Variants in SEMA5B observed in about 807,000 individuals in gnomAD.
The protein encoded by SEMA5B is semaphorin-5B.
SEMA5B carries 66 observed loss-of-function variants against 135.0 expected under a neutral mutation model. The observed-to-expected ratio is 0.49, with a 90% CI of 0.40 to 0.60. SEMA5B has a LOEUF of 0.60. SEMA5B is among the 20% of genes least tolerant of loss of function. SEMA5B has a pLI of 0.00. For missense variants in SEMA5B, 1,501 were observed against 1,566.3 expected, an observed-to-expected ratio of 0.96 and a Z score of 0.70; for synonymous variants, 690 against 639.5, an observed-to-expected ratio of 1.08 and a Z score of -1.19.
intron 1 of SEMA5B, among the ~76,000 whole-genome samples, chr3:122,996,611 A>G (rs1434663148): frequency 6.6e-6 from 1 of 152,056 alleles, no homozygotes; most frequent in Non-Finnish European, 1.5e-5. Flanking sequence ...CTTCAGCCAT[A>G]TTTTTCTCTT....
chr3:123,025,381 G>C (rs1477000004), intron 1 of SEMA5B, among the ~76,000 whole-genome samples: 2 of 152,152 alleles, frequency 1.3e-5, no homozygotes, highest in Non-Finnish European at 2.9e-5. Flanking sequence ...CAAACACATA[G>C]ACAAGTGTCT....
chr3:122,974,800 C>T (rs1941257565), intron 1 of SEMA5B, among the ~76,000 whole-genome samples: 1 of 152,218 alleles, frequency 6.6e-6, no homozygotes, highest in Non-Finnish European at 1.5e-5. Context: ...TCTCTTTAAA[C>T]CTGGCCATTG....
intron 5 of SEMA5B, among the ~76,000 whole-genome samples, chr3:122,933,597 C>T (rs1013109772): frequency 4.6e-5 from 7 of 152,106 alleles, no homozygotes; most frequent in Non-Finnish European, 7.4e-5. Context: ...TCTGTTTTGG[C>T]AAATTTTCTT....
intron 2 of SEMA5B, 35 bp downstream of exon 2, chr3:122,961,105 G>T: frequency 6.4e-7 from 1 of 1,570,974 alleles, no homozygotes. Context: ...TCTGGTACCT[G>T]CTGCAGCCCC....
chr3:122,923,913 C>A (rs968351890), intron 9 of SEMA5B, among the ~76,000 whole-genome samples, 161 bp from the exon 10 acceptor site: 2 of 152,104 alleles, frequency 1.3e-5, no homozygotes, highest in Non-Finnish European at 2.9e-5. Flanking sequence ...ATGTGGTCCT[C>A]ACATTCTGTA....
At chr3:122,926,703 G>A (rs751571497) in intron 8 of SEMA5B, 26 bp from the exon 9 acceptor site, 38 of 1,603,990 alleles carry the variant, frequency 2.4e-5, no homozygotes, top group Admixed American at 3.3e-5. Context: ...AGGAACAAGG[G>A]GCAGGGCAGG....
chr3:122,949,960 T>C (rs55987998), intron 2 of SEMA5B, among the ~76,000 whole-genome samples: 32,759 of 152,160 alleles, frequency 0.22, 3,908 homozygotes, highest in Middle Eastern at 0.31. Flanking sequence ...GATAAACTCC[T>C]GTCCTTCTGC....
chr3:122,952,434 G>C (rs1940099540), intron 2 of SEMA5B, among the ~76,000 whole-genome samples: 1 of 152,188 alleles, frequency 6.6e-6, no homozygotes, highest in African/African-American at 2.4e-5. Flanking sequence ...CCTCCTCCTT[G>C]CTAGCTGTGT....
intron 1 of SEMA5B, among the ~76,000 whole-genome samples, chr3:123,017,022 G>C (rs1342870453): frequency 1.3e-5 from 2 of 151,520 alleles, no homozygotes; most frequent in Non-Finnish European, 1.5e-5. Context: ...CTCCTGAGTA[G>C]CTGGGACTAC....
In SEMA5B at chr3:122,990,435, T is replaced by TAGC. The variant is rs745521177; in HGVS notation, c.-38-29137_-38-29135dup. 2.2e-3 allele frequency among the ~76,000 whole-genome samples: 333 copies of TAGC among 151,862 alleles called. 1 individual carries two copies. The highest frequency in any genetic ancestry group is 6.8e-3 in the Middle Eastern group (2 of 294). ...CACATGAGAGCCCAAGGAGAGGGTGTAGCAGCAGCAGCAGCAGCAGCAGGT... is the reference window on the plus strand; with the variant it reads ...CACATGAGAGCCCAAGGAGAGGGTGTAGCAGCAGCAGCAGCAGCAGCAGCAGGT... On this transcript the variant is annotated intron_variant, in intron 1 of 22. Coordinates refer to ENST00000357599, the MANE Select transcript of SEMA5B (RefSeq NM_001031702.4).
intron 1 of SEMA5B, chr3:122,975,959 A>G (rs1306315196): frequency 6.5e-7 from 1 of 1,531,552 alleles, no homozygotes. Context: ...TCCTCAACAC[A>G]TCCCAAATCT....
intron 1 of SEMA5B, among the ~76,000 whole-genome samples, chr3:122,986,743 G>A (rs935101328): frequency 6.6e-6 from 1 of 152,010 alleles, no homozygotes; most frequent in African/African-American, 2.4e-5. Flanking sequence ...TTGCCAAGGG[G>A]GTGTCCACTC....
chr3:122,932,125 G>GT (rs772320367), intron 5 of SEMA5B, among the ~76,000 whole-genome samples: 1 of 151,196 alleles, frequency 6.6e-6, no homozygotes, highest in Non-Finnish European at 1.5e-5. Flanking sequence ...TTTGAACAAT[G>GT]TTTTGGTTTT....
intron 1 of SEMA5B, among the ~76,000 whole-genome samples, chr3:122,968,435 C>T (rs1376345042): frequency 6.6e-6 from 1 of 152,154 alleles, no homozygotes; most frequent in Non-Finnish European, 1.5e-5. Flanking sequence ...CAGAGAGGGA[C>T]GGTCGCCTTG....
At chr3:122,925,238 T>C (rs546568669) in intron 9 of SEMA5B, among the ~76,000 whole-genome samples, 1 of 151,854 alleles carries the variant, frequency 6.6e-6, no homozygotes, top group Admixed American at 6.6e-5. Context: ...AGTGCCTTCC[T>C]TGGTCTCGGT....
chr3:123,009,529 G>C (rs978903828), intron 1 of SEMA5B, among the ~76,000 whole-genome samples: 18 of 147,284 alleles, frequency 1.2e-4, no homozygotes, highest in African/African-American at 3.7e-4. Flanking sequence ...GTGTGTATGT[G>C]TGTCTGTGTG....
At chr3:123,018,965 G>A (rs1432535305) in intron 1 of SEMA5B, among the ~76,000 whole-genome samples, 1 of 152,192 alleles carries the variant, frequency 6.6e-6, no homozygotes, top group Non-Finnish European at 1.5e-5. Flanking sequence ...GGGTTACCTG[G>A]ATAAAGGGAT....
Position 122,990,711 on chromosome 3 carries a change from C to A in SEMA5B, c.-38-29410G>T, listed in dbSNP as rs533809240. Among the ~76,000 whole-genome samples the A allele has an allele frequency of 7.9e-5, 12 of 152,294 alleles. No homozygotes were observed. The East Asian group carries it at 1.9e-3, about 25-fold the overall frequency. On this transcript the variant is annotated intron_variant, in intron 1 of 22. Transcript: ENST00000357599. The stretch of plus-strand genomic sequence containing the variant: ...CCTCCTGGACCGATGAAGAACAGGA[C>A]CCCTGTGACCCCACAGGGGTTCTGA...
intron 1 of SEMA5B, among the ~76,000 whole-genome samples, chr3:122,974,489 C>A (rs1363509047): frequency 1.3e-5 from 2 of 152,234 alleles, no homozygotes; most frequent in Non-Finnish European, 2.9e-5. Context: ...GCCCTGAGCA[C>A]CTACAAGGCA....
Sources: gnomAD v4.1 joint callset for allele counts (sites outside exome capture counted in the v4.1 genomes callset) on GRCh38, gnomAD v4.1.1 for gene constraint, MANE v1.5 for transcripts, NCBI Gene and HGNC (gene_info 2026-07-23, HGNC 2026-07-21) for gene names.